The following HS2ST1 variants were observed in gnomAD, a reference collection of about 807,000 sequenced individuals.
HS2ST1 encodes heparan sulfate 2-O-sulfotransferase 1.
Under a neutral mutation model 42.9 loss-of-function variants are expected in HS2ST1, and 18 were observed. That is an observed-to-expected ratio of 0.42 (90% confidence interval 0.29 to 0.62). The LOEUF (loss-of-function observed/expected upper bound fraction) is 0.62. Ranked by LOEUF, HS2ST1 falls within the 20% of genes least tolerant of loss-of-function variation. The probability of loss-of-function intolerance (pLI) is 0.21; values close to 1 mark genes in which losing one functional copy is unlikely to be tolerated. For synonymous variants in HS2ST1, 146 were observed against 152.9 expected (o/e 0.95, Z 0.33); for missense variants, 334 against 433.8 (o/e 0.77, Z 2.04).
At chr1:87,046,366 G>A (rs758701230) in intron 1 of HS2ST1, 19 of 760,266 alleles carry the variant, frequency 2.5e-5, no homozygotes, top group Non-Finnish European at 3.7e-5. Context: ...TACTTAAGAA[G>A]TATCTCCTGA....
chr1:86,960,213 C>G (rs1171065260), intron 1 of HS2ST1, among the ~76,000 whole-genome samples: 1 of 131,978 alleles, frequency 7.6e-6, no homozygotes, highest in African/African-American at 2.8e-5. Flanking sequence ...ATATCTCATT[C>G]CCCTCCACGC....
intron 1 of HS2ST1, among the ~76,000 whole-genome samples, chr1:86,999,061 C>T (rs1307538319): frequency 6.6e-6 from 1 of 151,498 alleles, no homozygotes; most frequent in Non-Finnish European, 1.5e-5. Context: ...GGGAAAGAGC[C>T]CTGTGTTTTA....
At chr1:86,976,155 A>T (rs1461959446) in intron 1 of HS2ST1, among the ~76,000 whole-genome samples, 2 of 152,344 alleles carry the variant, frequency 1.3e-5, no homozygotes, top group African/African-American at 4.8e-5. Flanking sequence ...ATTCAGTGGC[A>T]GATGTTAACA....
Position 87,042,026 on chromosome 1 carries a change from A to G in HS2ST1, c.125-30908A>G, listed in dbSNP as rs569955512. On this transcript the variant is annotated intron_variant, in intron 1 of 6. Transcript: ENST00000370550. ...GTTAGTTTTGTGTTTAATTTTTTTT[A>G]AAAGCATTTTCCTTATTATTGTTTG... is the stretch of plus-strand genomic sequence containing the variant. Among the ~76,000 whole-genome samples the G allele has an allele frequency of 1.7e-4, 26 of 152,266 alleles. No homozygotes were observed. In the South Asian group the frequency reaches 5.4e-3, roughly 32 times the overall value.
At chr1:86,958,731 A>G (rs1488989224) in intron 1 of HS2ST1, among the ~76,000 whole-genome samples, 2 of 152,224 alleles carry the variant, frequency 1.3e-5, no homozygotes, top group Non-Finnish European at 2.9e-5. Flanking sequence ...TTCTTAACTC[A>G]GCATTACTCT....
intron 1 of HS2ST1, among the ~76,000 whole-genome samples, chr1:87,047,413 A>C (rs1007220826): frequency 6.6e-6 from 1 of 151,950 alleles, no homozygotes; most frequent in African/African-American, 2.4e-5. Context: ...TGTATCTTTT[A>C]ATTTCAGTGA....
At chr1:87,050,798 T>C (rs1408531136) in intron 1 of HS2ST1, among the ~76,000 whole-genome samples, 1 of 152,150 alleles carries the variant, frequency 6.6e-6, no homozygotes, top group Non-Finnish European at 1.5e-5. Flanking sequence ...ACCACTTTAA[T>C]CTCTGACTTT....
intron 1 of HS2ST1, among the ~76,000 whole-genome samples, chr1:86,917,085 C>G (rs1419284723): frequency 1.3e-5 from 2 of 152,142 alleles, no homozygotes; most frequent in African/African-American, 4.8e-5. Context: ...TCAAAATCCT[C>G]CTGGGACTAC....
intron 2 of HS2ST1, among the ~76,000 whole-genome samples, chr1:87,075,385 A>G (rs1198194646): frequency 6.6e-6 from 1 of 151,918 alleles, no homozygotes; most frequent in East Asian, 1.9e-4. Flanking sequence ...CAGGCTGGTC[A>G]CAAACTCCTG....
intron 2 of HS2ST1, among the ~76,000 whole-genome samples, chr1:87,082,162 T>C (rs2764426): frequency 0.88 from 134,457 of 152,116 alleles, 59,720 homozygotes; most frequent in East Asian, 0.99. Context: ...AAATGAGAAG[T>C]CTTGCAGTAG....
intron 1 of HS2ST1, among the ~76,000 whole-genome samples, chr1:87,059,661 T>A (rs1347532476): frequency 6.6e-6 from 1 of 152,202 alleles, no homozygotes; most frequent in African/African-American, 2.4e-5. Context: ...ATATTTTGTA[T>A]TTTAAAAATA....
intron 1 of HS2ST1, among the ~76,000 whole-genome samples, chr1:86,920,713 C>T (rs1660273900): frequency 6.6e-6 from 1 of 152,158 alleles, no homozygotes; most frequent in South Asian, 2.1e-4. Context: ...AGATGAACTT[C>T]ATAATCATGG....
intron 1 of HS2ST1, among the ~76,000 whole-genome samples, chr1:86,963,611 C>T (rs1302276750): frequency 1.3e-5 from 2 of 152,214 alleles, no homozygotes; most frequent in East Asian, 3.8e-4. Flanking sequence ...ACGTTTCCCC[C>T]TTTTCTATTC....
chr1:87,098,389 T>C lies in HS2ST1; in HGVS notation c.686+454T>C, dbSNP rs934203865. ...AGGTTATGGCTGTGGTTTAGTTTGC[T>C]AGTAAATATCAAGTGGAAAATAAAG... On this transcript the variant is annotated intron_variant, in intron 5 of 6. Coordinates refer to ENST00000370550, the MANE Select transcript of HS2ST1 (RefSeq NM_012262.4). 45 of 884,288 alleles carry C rather than the reference T, an allele frequency of 5.1e-5. No homozygotes were observed. In the African/African-American group the frequency reaches 7.8e-4, roughly 15 times the overall value. 54.8% of individuals were successfully genotyped at this position (884,288 alleles called of 1,614,324 possible).
intron 1 of HS2ST1, among the ~76,000 whole-genome samples, chr1:87,060,799 T>C (rs1317983964): frequency 6.6e-6 from 1 of 152,178 alleles, no homozygotes; most frequent in African/African-American, 2.4e-5. Context: ...CAAGTACATT[T>C]AGTAAAATAT....
intron 1 of HS2ST1, among the ~76,000 whole-genome samples, chr1:87,009,298 A>G (rs1649526102): frequency 6.6e-6 from 1 of 152,208 alleles, no homozygotes; most frequent in South Asian, 2.1e-4. Flanking sequence ...TCTTTCCAGT[A>G]ATCTTTGGAA....
At chr1:86,994,994 T>TA (rs1259789529) in intron 1 of HS2ST1, among the ~76,000 whole-genome samples, 2 of 152,082 alleles carry the variant, frequency 1.3e-5, no homozygotes, top group South Asian at 2.1e-4. Flanking sequence ...AATGCTTGCT[T>TA]AAAAAAACAT....
chr1:87,088,666 C>T (rs1442888422), intron 3 of HS2ST1, among the ~76,000 whole-genome samples: 1 of 152,002 alleles, frequency 6.6e-6, no homozygotes, highest in East Asian at 1.9e-4. Context: ...GCCACCAAAC[C>T]AACAGTGTTT....
intron 1 of HS2ST1, among the ~76,000 whole-genome samples, chr1:86,967,701 A>G (rs1350420158): frequency 6.6e-6 from 1 of 152,148 alleles, no homozygotes; most frequent in Non-Finnish European, 1.5e-5. Flanking sequence ...CTCATTGGTC[A>G]TTGGGCACTT....
Sources: allele counts gnomAD v4.1 joint callset (sites outside exome capture counted in the v4.1 genomes callset), GRCh38; gene constraint gnomAD v4.1.1; transcripts MANE v1.5; gene names NCBI Gene and HGNC (gene_info 2026-07-23, HGNC 2026-07-21).